The following CFAP300 variants were observed in gnomAD, a reference collection of about 807,000 sequenced individuals.
CFAP300 encodes cilia- and flagella-associated protein 300.
Under a neutral mutation model 33.0 loss-of-function variants are expected in CFAP300, and 32 were observed. The ratio of observed to expected loss-of-function variants is 0.97; its 90% CI spans 0.73 to 1.30. The LOEUF is 1.30. Ranked by LOEUF, CFAP300 falls within the 50% of genes most tolerant of loss-of-function variation. The pLI is 0.00. For missense variants in CFAP300, 356 were observed against 318.1 expected, an observed-to-expected ratio of 1.12 and a Z score of -0.90; for synonymous variants, 102 against 106.8, an observed-to-expected ratio of 0.95 and a Z score of 0.28.
At chr11:102,078,031 C>A (rs1942422550) in intron 5 of CFAP300, among the ~76,000 whole-genome samples, 1 of 152,024 alleles carries the variant, frequency 6.6e-6, no homozygotes. Flanking sequence ...GCTGGGATCA[C>A]AAGCACACAC....
intron 1 of CFAP300, 104 bp from the exon 2 acceptor site, chr11:102,047,711 C>T: frequency 2.7e-6 from 4 of 1,484,858 alleles, no homozygotes; most frequent in South Asian, 1.2e-5. Flanking sequence ...TGAGTGAACC[C>T]CGAACCACCC....
At chr11:102,056,595 TTTTG>T (rs778067756) in intron 2 of CFAP300, among the ~76,000 whole-genome samples, 7 of 151,976 alleles carry the variant, frequency 4.6e-5, no homozygotes, top group South Asian at 4.2e-4. Context: ...TTGTGGGGTT[TTTTG>T]TTTGTTTGTT....
chr11:102,050,860 G>A (rs961069923), intron 2 of CFAP300, among the ~76,000 whole-genome samples: 1 of 152,194 alleles, frequency 6.6e-6, no homozygotes, highest in African/African-American at 2.4e-5. Flanking sequence ...TGGCTAAGAA[G>A]GAGAAGTTTT....
intron 3 of CFAP300, 106 bp from the exon 4 acceptor site, chr11:102,066,379 A>G: frequency 1.5e-6 from 1 of 668,392 alleles, no homozygotes; most frequent in South Asian, 2.9e-5. Context: ...AAAATGTCAT[A>G]TTTGTTAACT....
At chr11:102,082,955 C>T (rs1942496334) in intron 6 of CFAP300, 116 bp from the exon 7 acceptor site, 1 of 381,554 alleles carries the variant, frequency 2.6e-6, no homozygotes, top group Admixed American at 5.5e-5. Context: ...CGAGATCGCG[C>T]CACTGCACTC....
At chr11:102,051,752 T>C (rs1160258768) in intron 2 of CFAP300, among the ~76,000 whole-genome samples, 1 of 152,214 alleles carries the variant, frequency 6.6e-6, no homozygotes, top group Non-Finnish European at 1.5e-5. Flanking sequence ...TCTCACTATG[T>C]TGCCCGGGCT....
intron 3 of CFAP300, among the ~76,000 whole-genome samples, chr11:102,059,281 A>ATGTGTGTGTG (rs55657614): frequency 3.7e-4 from 55 of 148,670 alleles, no homozygotes; most frequent in African/African-American, 6.4e-4. Context: ...ATATGTTAAA[A>ATGTGTGTGTG]TGTGTGTGTG....
rs141462833 is a variant in CFAP300 at position 102,052,084 on chromosome 11, G to T, written c.192+4188G>T. Among the ~76,000 whole-genome samples, 158 of 152,230 alleles carry T rather than the reference G, an allele frequency of 1.0e-3. 1 individual carries two copies. Among genetic ancestry groups the T allele is most frequent in the African/African-American group, 3.6e-3 (151 of 41,526 alleles). On this transcript the variant is annotated intron_variant, in intron 2 of 6. Transcript: ENST00000434758. ...ACATTTTTTAAAAATTCACTTATTA[G>T]ACATATAATTGTAATCTCAATAATG...
intron 4 of CFAP300, among the ~76,000 whole-genome samples, chr11:102,068,383 A>G (rs1359756852): frequency 6.6e-6 from 1 of 152,246 alleles, no homozygotes; most frequent in Non-Finnish European, 1.5e-5. Context: ...ACTTAGTTAA[A>G]GAAGAAAATA....
chr11:102,047,796 T>C lies in CFAP300; in HGVS notation c.111-19T>C. On this transcript the variant is annotated intron_variant, in intron 1 of 6. Transcript: ENST00000434758. ...GGGTGCCAGCCCCCAGATGATTTCT[T>C]TTTCCTCCTCTGCCCCAGGTCCATG... 6.2e-7 allele frequency: 1 copy of C among 1,613,156 alleles called. No homozygotes were observed. Among genetic ancestry groups the C allele is most frequent in the Non-Finnish European group, 8.5e-7 (1 of 1,179,752 alleles).
At chr11:102,068,320 A>G (rs1003708911) in intron 4 of CFAP300, among the ~76,000 whole-genome samples, 2 of 152,170 alleles carry the variant, frequency 1.3e-5, no homozygotes, top group South Asian at 2.1e-4. Context: ...CTGTAGGAGA[A>G]AGGGAGGTAT....
chr11:102,055,854 A>G (rs1043500249), intron 2 of CFAP300, among the ~76,000 whole-genome samples: 1 of 151,598 alleles, frequency 6.6e-6, no homozygotes, highest in African/African-American at 2.4e-5. Flanking sequence ...TTGTATTTTT[A>G]GAGACAGAGT....
At chr11:102,081,145 G>T in intron 5 of CFAP300, 70 bp from the exon 6 acceptor site, 8 of 1,094,776 alleles carry the variant, frequency 7.3e-6, no homozygotes, top group Non-Finnish European at 9.2e-6. Flanking sequence ...AATACTAAAA[G>T]GGATCATTAC....
At chr11:102,050,694 A>G (rs1941955308) in intron 2 of CFAP300, among the ~76,000 whole-genome samples, 1 of 152,206 alleles carries the variant, frequency 6.6e-6, no homozygotes, top group African/African-American at 2.4e-5. Context: ...AGGTGGTCAG[A>G]AGAGCATTTA....
At chr11:102,063,127 G>GC (rs59659364) in intron 3 of CFAP300, among the ~76,000 whole-genome samples, 65,886 of 152,104 alleles carry the variant, frequency 0.43, 14,555 homozygotes, top group East Asian at 0.7. Context: ...GGCTAAATTG[G>GC]CCCTGTGGAA....
intron 2 of CFAP300, among the ~76,000 whole-genome samples, chr11:102,056,573 T>G (rs7951994): frequency 6.6e-6 from 1 of 151,874 alleles, no homozygotes; most frequent in Non-Finnish European, 1.5e-5. Flanking sequence ...TTTCCTAAAG[T>G]TTATTGGCTA....
intron 2 of CFAP300, among the ~76,000 whole-genome samples, chr11:102,048,711 TG>T: frequency 6.6e-6 from 1 of 152,332 alleles, no homozygotes; most frequent in Admixed American, 6.5e-5. Flanking sequence ...ATAAGTCTTT[TG>T]ACTACTAGAG....
chr11:102,079,989 G>A (rs1443871169), intron 5 of CFAP300, among the ~76,000 whole-genome samples: 1 of 152,060 alleles, frequency 6.6e-6, no homozygotes, highest in African/African-American at 2.4e-5. Flanking sequence ...TGTATATAAG[G>A]GTATTTTGGA....
chr11:102,071,242 A>G (rs1486149125), intron 4 of CFAP300, among the ~76,000 whole-genome samples: 1 of 152,178 alleles, frequency 6.6e-6, no homozygotes, highest in Non-Finnish European at 1.5e-5. Flanking sequence ...TATTTAGAAT[A>G]GTATATCCTC....
Sources: gnomAD v4.1 joint callset for allele counts (sites outside exome capture counted in the v4.1 genomes callset) on GRCh38, gnomAD v4.1.1 for gene constraint, MANE v1.5 for transcripts, NCBI Gene and HGNC (gene_info 2026-07-23, HGNC 2026-07-21) for gene names.